The following RACK1 variants were observed in gnomAD, a reference collection of about 807,000 sequenced individuals.
RACK1 encodes small ribosomal subunit protein RACK1.
Under a neutral mutation model 42.2 loss-of-function variants are expected in RACK1, and 3 were observed. The observed-to-expected ratio is 0.07, with a 90% confidence interval of 0.03 to 0.18. The LOEUF is 0.18. RACK1 is among the 10% of genes least tolerant of loss of function. RACK1 has a pLI of 1.00. For synonymous variants in RACK1, 181 were observed against 154.8 expected (o/e 1.17, Z -1.25); for missense variants, 146 against 403.2 (o/e 0.36, Z 5.46).
chr5:181,243,530 T>G (rs1759436375), intron 1 of RACK1, 162 bp downstream of exon 1: 4 of 1,401,152 alleles, frequency 2.9e-6, no homozygotes, highest in Non-Finnish European at 3.8e-6. Context: ...AGGCCTAGGC[T>G]CGGGTCCGCA....
At chr5:181,237,555 AGAGG>A in intron 7 of RACK1, 50 bp downstream of exon 7, 1 of 919,736 alleles carries the variant, frequency 1.1e-6, no homozygotes, top group South Asian at 1.3e-5. Flanking sequence ...TAACAGAATG[AGAGG>A]GAGAAAATTA....
intron 2 of RACK1, 62 bp from the exon 3 acceptor site, chr5:181,241,701 C>T (rs965658462): frequency 6.4e-7 from 1 of 1,558,600 alleles, no homozygotes; most frequent in South Asian, 1.1e-5. Context: ...CGGTCAGACT[C>T]ATTTCCTGGG....
chr5:181,242,095 G>A, intron 2 of RACK1, 79 bp downstream of exon 2: 2 of 1,314,914 alleles, frequency 1.5e-6, no homozygotes, highest in East Asian at 2.3e-5. Context: ...ATCTCCCCTG[G>A]GAAACCAGCC....
At chr5:181,237,075 C>T (rs1237347401) in intron 7 of RACK1, 33 bp from the exon 8 acceptor site, 2 of 1,611,556 alleles carry the variant, frequency 1.2e-6, no homozygotes, top group Non-Finnish European at 1.7e-6. Flanking sequence ...ACAGGTCAGG[C>T]TGGCATAAAT....
intron 1 of RACK1, 56 bp from the exon 2 acceptor site, chr5:181,242,401 C>T: frequency 8.3e-7 from 1 of 1,208,260 alleles, no homozygotes; most frequent in South Asian, 1.3e-5. Context: ...CCGTTTAACA[C>T]ACTGGATAAT....
chr5:181,237,865 C>A (rs1020772416), intron 6 of RACK1, 146 bp from the exon 7 acceptor site: 2 of 661,626 alleles, frequency 3.0e-6, no homozygotes, highest in African/African-American at 1.8e-5. Context: ...TCAGTTGCCA[C>A]TAGTGGAAGG....
chr5:181,238,838 A>G (rs879068377), intron 5 of RACK1: 1 of 544,434 alleles, frequency 1.8e-6, no homozygotes, highest in Non-Finnish European at 3.3e-6. Flanking sequence ...AAAACAACAA[A>G]AAAAACCCAC....
At chr5:181,237,206 G>A (rs751113646) in intron 7 of RACK1, 164 bp from the exon 8 acceptor site, 1 of 1,345,946 alleles carries the variant, frequency 7.4e-7, no homozygotes, top group Non-Finnish European at 1.0e-6. Context: ...AGCCCCTGCA[G>A]TTCAAGAGAT....
chr5:181,243,025 T>C (rs1257909615), intron 1 of RACK1: 1 of 350,272 alleles, frequency 2.9e-6, no homozygotes, highest in Non-Finnish European at 5.6e-6. Flanking sequence ...CCGACAGAAA[T>C]GTAGTAATGA....
Position 181,243,788 on chromosome 5 carries a change from T to C in RACK1, c.13A>G (p.Met5Val). 1 of 1,606,018 alleles carries C rather than the reference T, an allele frequency of 6.2e-7. No individual in the cohort carries two copies. Among genetic ancestry groups the C allele is most frequent in the Non-Finnish European group, 8.5e-7 (1 of 1,176,336 alleles). Reference sequence around the variant, plus strand: ...CCCTTGAGGGTGCCACGAAGGGTCATCTGCTCAGTCATGGCGGCGGCGAGA... The same window carrying C: ...CCCTTGAGGGTGCCACGAAGGGTCACCTGCTCAGTCATGGCGGCGGCGAGA... The part of the protein sequence containing the change: MTEQ[M>V]TLRGTLKGHN... Residue 5 changes from methionine (M) to valine (V), a missense_variant, in exon 1 of 8, where the codon ATG becomes GTG. Physicochemically the swap from Met to Val is conservative, Grantham distance 21. Transcript: ENST00000512805.
At chr5:181,243,291 C>T (rs1759424284) in intron 1 of RACK1, 1 of 1,358,076 alleles carries the variant, frequency 7.4e-7, no homozygotes, top group Non-Finnish European at 9.7e-7. Flanking sequence ...CCTGCCTCCC[C>T]ACGAGCCTTG....
At chr5:181,243,539 C>CA in intron 1 of RACK1, 153 bp downstream of exon 1, 2 of 1,396,124 alleles carry the variant, frequency 1.4e-6, no homozygotes, top group Non-Finnish European at 1.9e-6. Context: ...CTCGGGTCCG[C>CA]ACGCCCCAAT....
intron 1 of RACK1, chr5:181,243,251 C>G (rs1279738): frequency 0.28 from 379,291 of 1,342,910 alleles, 58,945 homozygotes; most frequent in African/African-American, 0.63. Context: ...AGTAGGCCGA[C>G]ACTTGAGCCA....
intron 5 of RACK1, chr5:181,238,727 G>A (rs929702034): frequency 2.4e-5 from 9 of 368,902 alleles, no homozygotes; most frequent in South Asian, 4.3e-5. Context: ...GCTTGAACCC[G>A]GGAGATGGTT....
chr5:181,237,923 T>A, intron 6 of RACK1, 176 bp downstream of exon 6: 1 of 687,962 alleles, frequency 1.5e-6, no homozygotes. Context: ...CTGCTAAACA[T>A]CCTGGAATGT....
chr5:181,239,411 C>A (rs1308139916), intron 4 of RACK1, 76 bp downstream of exon 4: 1 of 1,046,228 alleles, frequency 9.6e-7, no homozygotes, highest in Non-Finnish European at 1.5e-6. Context: ...GCAAAGCTTT[C>A]CACAGGACTT....
Position 181,243,729 on chromosome 5 carries a change from G to A in RACK1, c.72C>T (p.Thr24=), listed in dbSNP as rs754057723. 4 of 1,609,718 alleles carry A rather than the reference G, an allele frequency of 2.5e-6. No individual in the cohort carries two copies. Among genetic ancestry groups the A allele is most frequent in the East Asian group, 2.2e-5 (1 of 44,738 alleles). ...HNGWVTQIAT[T]PQFPDMILSA... is the part of the protein sequence containing the mutation. ...AGAGGATCATGTCCGGGAACTGCGG[G>A]GTAGTAGCGATCTGGGTTACCCAGC... Residue 24 remains threonine (T), a synonymous_variant, in exon 1 of 8, where the codon ACC becomes ACT. Coordinates refer to ENST00000512805, the MANE Select transcript of RACK1 (RefSeq NM_006098.5).
chr5:181,241,720 C>G, intron 2 of RACK1, 81 bp from the exon 3 acceptor site: 3 of 1,442,550 alleles, frequency 2.1e-6, no homozygotes, highest in Admixed American at 1.7e-5. Flanking sequence ...GGCTTTGTCT[C>G]TGTCTCATTG....
chr5:181,238,316 G>C (rs994098042), intron 5 of RACK1, 77 bp from the exon 6 acceptor site: 5 of 1,478,466 alleles, frequency 3.4e-6, no homozygotes, highest in Non-Finnish European at 4.7e-6. Context: ...GATTCTGTCA[G>C]AATCAATTCT....
Sources: allele counts gnomAD v4.1 joint callset, GRCh38; gene constraint gnomAD v4.1.1; transcripts MANE v1.5; gene names NCBI Gene and HGNC (gene_info 2026-07-23, HGNC 2026-07-21).